CACNA1C: variants seen among roughly 807,000 people sequenced by gnomAD.
CACNA1C encodes calcium voltage-gated channel subunit alpha1 C, also known as voltage-dependent L-type calcium channel subunit alpha-1C.
CACNA1C carries 30 observed loss-of-function variants against 229.0 expected under a neutral mutation model. The observed-to-expected ratio is 0.13, with a 90% CI of 0.10 to 0.18. The LOEUF (loss-of-function observed/expected upper bound fraction) is 0.18, where lower values mean the gene tolerates loss of function less well. Among genes scored for constraint, CACNA1C ranks in the 10% least tolerant of loss-of-function variants. The pLI is 1.00. For synonymous variants in CACNA1C, 1,114 were observed against 1,132.5 expected (o/e 0.98, Z 0.33); for missense variants, 1,658 against 2,845.0 (o/e 0.58, Z 9.49).
rs997154117 is a variant in CACNA1C at position 2,667,668 on chromosome 12, G to A, written c.4623+886G>A. ...GGGTGGGGAGGGGTGCAGCCTGGAG[G>A]GGGCTAAAGTGCGTCCGTTGTGGCC... On this transcript the variant is annotated intron_variant, in intron 37 of 46. Transcript: ENST00000399655. Among the ~76,000 whole-genome samples the A allele has an allele frequency of 3.9e-5, 6 of 152,166 alleles. No homozygotes were observed. In the South Asian group the frequency reaches 8.3e-4, roughly 21 times the overall value.
intron 3 of CACNA1C, among the ~76,000 whole-genome samples, chr12:2,230,073 A>G (rs1032450897): frequency 5.3e-5 from 8 of 152,108 alleles, no homozygotes; most frequent in African/African-American, 1.9e-4. Context: ...TAGAGGCGGA[A>G]GGGGAAGAAG....
intron 3 of CACNA1C, among the ~76,000 whole-genome samples, chr12:2,187,898 G>A (rs1057286998): frequency 6.6e-6 from 1 of 152,222 alleles, no homozygotes; most frequent in Non-Finnish European, 1.5e-5. Flanking sequence ...CCCCCAGGAC[G>A]GGGACTGAGC....
chr12:2,198,330 G>A (rs1344958361), intron 3 of CACNA1C, among the ~76,000 whole-genome samples: 1 of 152,194 alleles, frequency 6.6e-6, no homozygotes, highest in Non-Finnish European at 1.5e-5. Flanking sequence ...GGCGGCTTCT[G>A]AGGAGGCTGC....
At position 2,354,488 on chromosome 12, in the gene CACNA1C, G is replaced by T. The variant is rs564260332; in HGVS notation, c.478-94488G>T. 6.6e-6 allele frequency among the ~76,000 whole-genome samples: 1 copy of T among 152,156 alleles called. No homozygotes were observed. The highest frequency in any genetic ancestry group is 1.5e-5 in the Non-Finnish European group (1 of 68,026). On this transcript the variant is annotated intron_variant, in intron 3 of 46. Coordinates refer to ENST00000399655, the MANE Select transcript of CACNA1C (RefSeq NM_000719.7). The surrounding 1 kb of genome is among the most constrained non-coding windows in gnomAD (Gnocchi z 4.6). ...GAGGAACAGGAGACTGTTGAGAAGG[G>T]GACGGAGAACCTCACCAGCAGCTGA...
At chr12:2,298,258 C>G (rs1239825238) in intron 3 of CACNA1C, among the ~76,000 whole-genome samples, 1 of 152,190 alleles carries the variant, frequency 6.6e-6, no homozygotes, top group Non-Finnish European at 1.5e-5. Flanking sequence ...ATTGCTCATC[C>G]TATAGTTACA....
At position 2,651,632 on chromosome 12, in the gene CACNA1C, G is replaced by A. The variant is rs1290283324; in HGVS notation, c.3946-8G>A. ...CTAACTGCACCTCCTGTTGCCGACGGGTTCCAGAACGCAGAGGAAAACTCC... is the reference window on the plus strand; with the variant it reads ...CTAACTGCACCTCCTGTTGCCGACGAGTTCCAGAACGCAGAGGAAAACTCC... On this transcript the variant is annotated splice_polypyrimidine_tract_variant and splice_region_variant and intron_variant, in intron 31 of 46. Transcript: ENST00000399655. The surrounding 1 kb of genome is among the most constrained non-coding windows in gnomAD (Gnocchi z 5.4). The A allele has an allele frequency of 6.2e-7, 1 of 1,613,904 alleles. No individual in the cohort carries two copies. The highest frequency in any genetic ancestry group is 2.2e-5 in the East Asian group (1 of 44,878).
rs138718028 is a variant in CACNA1C, at chr12:2,146,668, A to G, written c.477+26238A>G. Among the ~76,000 whole-genome samples, 65 of 151,250 alleles carry G rather than the reference A, an allele frequency of 4.3e-4. 2 individuals carry two copies. The highest frequency in any genetic ancestry group is 7.1e-4 in the Non-Finnish European group (48 of 67,562). ...TGTGTTTCCACTATTGACAGCCTCA[A>G]TTATTGGTTTTCCCATTCAGCTTTC... On this transcript the variant is annotated intron_variant, in intron 3 of 46. Transcript: ENST00000399655.
intron 9 of CACNA1C, among the ~76,000 whole-genome samples, chr12:2,515,408 C>G (rs1169784168): frequency 1.3e-5 from 2 of 152,180 alleles, no homozygotes; most frequent in African/African-American, 4.8e-5. Context: ...TTGAGAATTT[C>G]ATAGATTGCT....
chr12:2,495,434 T>C lies in CACNA1C; in HGVS notation c.1113+2048T>C, dbSNP rs193143438. Among the ~76,000 whole-genome samples, 4 of 152,214 alleles carry C rather than the reference T, an allele frequency of 2.6e-5. No individual in the cohort carries two copies. The East Asian group carries it at 5.8e-4, about 22-fold the overall frequency. On this transcript the variant is annotated intron_variant, in intron 7 of 46. Transcript: ENST00000399655. ...GCATCAAACTGAGGGCAGGTGGCAG[T>C]GGAGGGTGGGTGGAGGGTAGGAATA...
chr12:2,686,521 A>G (rs575205758), intron 45 of CACNA1C, among the ~76,000 whole-genome samples: 4 of 152,226 alleles, frequency 2.6e-5, no homozygotes, highest in Non-Finnish European at 5.9e-5. Context: ...TGTGATCCTG[A>G]GGACCCACAG....
intron 5 of CACNA1C, among the ~76,000 whole-genome samples, chr12:2,480,436 A>T (rs1401763232): frequency 6.6e-6 from 1 of 152,194 alleles, no homozygotes; most frequent in Admixed American, 6.5e-5. Context: ...AGAGTTTATT[A>T]TACATCAGTT....
At chr12:2,282,651 C>A (rs944383421) in intron 3 of CACNA1C, among the ~76,000 whole-genome samples, 2 of 152,192 alleles carry the variant, frequency 1.3e-5, no homozygotes, top group Admixed American at 1.3e-4. Flanking sequence ...CCGCCTCCTG[C>A]CAGAGAAAAG....
At chr12:2,090,764 G>A (rs544399400) in intron 1 of CACNA1C, among the ~76,000 whole-genome samples, 3 of 152,348 alleles carry the variant, frequency 2.0e-5, no homozygotes, top group African/African-American at 7.2e-5. Flanking sequence ...CCAGAAGTAG[G>A]ATTGCTGGAT....
chr12:2,616,065 T>A (rs2080389021), intron 29 of CACNA1C, among the ~76,000 whole-genome samples: 1 of 152,164 alleles, frequency 6.6e-6, no homozygotes, highest in South Asian at 2.1e-4. Flanking sequence ...AGGAGGACGC[T>A]GGAAGGGCCT....
intron 3 of CACNA1C, among the ~76,000 whole-genome samples, chr12:2,376,341 T>C (rs984636187): frequency 1.3e-5 from 2 of 152,192 alleles, no homozygotes; most frequent in African/African-American, 4.8e-5. Flanking sequence ...CTTCTTCTTA[T>C]TGCAGAGTCC....
At chr12:2,197,051 C>T (rs1250631990) in intron 3 of CACNA1C, among the ~76,000 whole-genome samples, 2 of 152,142 alleles carry the variant, frequency 1.3e-5, no homozygotes, top group African/African-American at 4.8e-5. Flanking sequence ...GCAATGCCTA[C>T]CTCCAGAGCC....
intron 3 of CACNA1C, among the ~76,000 whole-genome samples, chr12:2,223,677 AG>A (rs1431876693): frequency 6.6e-6 from 1 of 152,166 alleles, no homozygotes; most frequent in Non-Finnish European, 1.5e-5. Flanking sequence ...CCTGCTCTGA[AG>A]TCCTCCATTA....
intron 3 of CACNA1C, among the ~76,000 whole-genome samples, chr12:2,331,428 G>C (rs1297352251): frequency 6.6e-6 from 1 of 152,236 alleles, no homozygotes; most frequent in Non-Finnish European, 1.5e-5. Context: ...CAGCACAAGA[G>C]AGCTTCTTGC....
At chr12:2,204,486 A>G (rs1156297990) in intron 3 of CACNA1C, among the ~76,000 whole-genome samples, 1 of 151,152 alleles carries the variant, frequency 6.6e-6, no homozygotes, top group Admixed American at 6.6e-5. Context: ...ATAAAGACAC[A>G]TGCACACGTA....
Sources: allele counts gnomAD v4.1 joint callset (sites outside exome capture counted in the v4.1 genomes callset), GRCh38; gene constraint gnomAD v4.1.1; non-coding constraint Gnocchi (gnomAD v3.1); transcripts MANE v1.5; gene names NCBI Gene and HGNC (gene_info 2026-07-23, HGNC 2026-07-21).